The following STIM1 variants were observed in gnomAD, a reference collection of about 807,000 sequenced individuals.
The protein encoded by STIM1 is stromal interaction molecule 1.
A neutral mutation model predicts 74.7 loss-of-function variants in STIM1; 25 were observed. The observed-to-expected ratio is 0.33, with a 90% confidence interval of 0.24 to 0.47. STIM1 has a LOEUF of 0.47. Ranked by LOEUF, STIM1 falls within the 20% of genes least tolerant of loss-of-function variation. The pLI is 1.00. For synonymous variants in STIM1, 328 were observed against 348.8 expected (o/e 0.94, Z 0.66); for missense variants, 728 against 920.8 (o/e 0.79, Z 2.71).
At chr11:3,902,863 T>A (rs72847176) in intron 1 of STIM1, among the ~76,000 whole-genome samples, 1,914 of 152,188 alleles carry the variant, frequency 0.013, 20 homozygotes, top group Middle Eastern at 0.031. Flanking sequence ...GTGTTGTGGA[T>A]AGAGGCAAAG....
rs577028166 is a variant in STIM1, at chr11:3,911,609, A to T, written c.139+55200A>T. On this transcript the variant is annotated intron_variant, in intron 1 of 12. Coordinates refer to ENST00000526596, the MANE Select transcript of STIM1 (RefSeq NM_001382567.1). ...CTTCTGTTGCTCAAGCTGCTCTCAA[A>T]CTCCTGGGTTCAAGTGATCCTCCTG... is the stretch of plus-strand genomic sequence containing the variant. Among the ~76,000 whole-genome samples the T allele has an allele frequency of 7.4e-5, 11 of 149,608 alleles. No individual in the cohort carries two copies. The South Asian group carries it at 2.1e-3, about 29-fold the overall frequency.
At chr11:3,991,950 C>CAAAAAAAAAAAAA (rs1230185435) in intron 2 of STIM1, among the ~76,000 whole-genome samples, 1 of 36,690 alleles carries the variant, frequency 2.7e-5, no homozygotes. Context: ...AACTCCATCT[C>CAAAAAAAAAAAAA]AAAAAAAAAA....
rs1259959369 is a variant in STIM1 at position 4,074,779 on chromosome 11, T to C, written c.969+100T>C. 3 of 1,306,780 alleles carry C rather than the reference T, an allele frequency of 2.3e-6. No individual in the cohort carries two copies. In the East Asian group the frequency reaches 7.6e-5, roughly 33 times the overall value. The allele number at this position is 1,306,780 out of a possible 1,614,324, so 80.9% of individuals were successfully genotyped here. On this transcript the variant is annotated intron_variant, in intron 7 of 12. Coordinates refer to ENST00000526596, the MANE Select transcript of STIM1 (RefSeq NM_001382567.1). ...TTACATGTGTGAGGAATTTGAAATA[T>C]GATCCAAAGACTATGTTCTAGAGTC...
At chr11:4,000,662 T>C (rs2093706653) in intron 2 of STIM1, among the ~76,000 whole-genome samples, 1 of 151,948 alleles carries the variant, frequency 6.6e-6, no homozygotes, top group Non-Finnish European at 1.5e-5. Flanking sequence ...AACTGGAAAC[T>C]CTAAAAAGCA....
intron 1 of STIM1, among the ~76,000 whole-genome samples, chr11:3,954,334 G>GT (rs1224961519): frequency 2.6e-5 from 4 of 152,150 alleles, no homozygotes; most frequent in South Asian, 4.1e-4. Flanking sequence ...CATTCAACAA[G>GT]TTTTTCTGTG....
At chr11:3,907,989 C>T (rs570810097) in intron 1 of STIM1, among the ~76,000 whole-genome samples, 36 of 152,322 alleles carry the variant, frequency 2.4e-4, no homozygotes, top group African/African-American at 8.2e-4. Flanking sequence ...AATCCCTCCC[C>T]CACCACACAC....
intron 2 of STIM1, among the ~76,000 whole-genome samples, chr11:3,997,687 CAGAG>C (rs1446411939): frequency 6.6e-6 from 1 of 151,994 alleles, no homozygotes; most frequent in Non-Finnish European, 1.5e-5. Flanking sequence ...CTGGTACTGT[CAGAG>C]AGTTTTAAGT....
intron 1 of STIM1, among the ~76,000 whole-genome samples, chr11:3,888,809 C>T (rs1023481649): frequency 3.9e-5 from 6 of 152,078 alleles, no homozygotes; most frequent in African/African-American, 1.2e-4. Flanking sequence ...GTGTCGGCTT[C>T]CCAAAGTGCT....
At chr11:3,951,334 A>G (rs1295729217) in intron 1 of STIM1, among the ~76,000 whole-genome samples, 1 of 152,208 alleles carries the variant, frequency 6.6e-6, no homozygotes, top group Non-Finnish European at 1.5e-5. Flanking sequence ...CTCCCAAGAA[A>G]AGACAAAGAG....
chr11:3,895,683 C>T (rs11030189), intron 1 of STIM1, among the ~76,000 whole-genome samples: 1,832 of 37,000 alleles, frequency 0.05, 99 homozygotes, highest in African/African-American at 0.095. Flanking sequence ...TCCTTCCTTC[C>T]TTCTTTCTTT....
intron 4 of STIM1, among the ~76,000 whole-genome samples, chr11:4,058,159 C>T (rs1470018046): frequency 6.6e-6 from 1 of 152,226 alleles, no homozygotes; most frequent in Non-Finnish European, 1.5e-5. Context: ...CAAGAACTCC[C>T]AGGCTTGTAG....
chr11:3,907,782 C>T (rs1175358985), intron 1 of STIM1, among the ~76,000 whole-genome samples: 1 of 152,200 alleles, frequency 6.6e-6, no homozygotes, highest in African/African-American at 2.4e-5. Context: ...TTCCTCTCCA[C>T]CTGCTCACCC....
chr11:3,861,237 T>G (rs1173270269), intron 1 of STIM1, among the ~76,000 whole-genome samples: 1 of 118,616 alleles, frequency 8.4e-6, no homozygotes, highest in African/African-American at 3.3e-5. Flanking sequence ...GTGGTTCTAT[T>G]TTTTTTTTTT....
chr11:4,013,429 A>G (rs938809621), intron 2 of STIM1, among the ~76,000 whole-genome samples: 2 of 151,976 alleles, frequency 1.3e-5, no homozygotes, highest in Admixed American at 6.6e-5. Context: ...CAAAGATTCA[A>G]CTTCTTCCTG....
intron 2 of STIM1, among the ~76,000 whole-genome samples, chr11:4,008,548 A>G (rs760002776): frequency 2.4e-4 from 37 of 152,236 alleles, no homozygotes; most frequent in Non-Finnish European, 5.4e-4. Context: ...ATTAATAAAA[A>G]CAAGTAAGAT....
chr11:3,974,965 C>T (rs1037668077), intron 2 of STIM1, among the ~76,000 whole-genome samples: 21 of 152,122 alleles, frequency 1.4e-4, no homozygotes, highest in Non-Finnish European at 2.8e-4. Flanking sequence ...CTGGAGCCTA[C>T]ATGGCAAATC....
intron 1 of STIM1, among the ~76,000 whole-genome samples, chr11:3,951,872 C>T (rs922576103): frequency 2.0e-4 from 31 of 152,106 alleles, no homozygotes; most frequent in African/African-American, 7.5e-4. Flanking sequence ...AGGCGCCAGT[C>T]AGATAATTTG....
intron 3 of STIM1, among the ~76,000 whole-genome samples, chr11:4,031,976 G>A (rs948181067): frequency 1.3e-5 from 2 of 152,076 alleles, no homozygotes; most frequent in African/African-American, 2.4e-5. Context: ...ATTTCTTTCT[G>A]TTTCTTTCTA....
chr11:3,895,689 T>C lies in STIM1; in HGVS notation c.139+39280T>C, dbSNP rs1445478913. Among the ~76,000 whole-genome samples the C allele has an allele frequency of 9.4e-4, 27 of 28,580 alleles. 2 individuals are homozygous for C. The highest frequency in any genetic ancestry group is 1.3e-3 in the Non-Finnish European group (22 of 16,810). The allele number at this position is 28,580 out of a possible 152,430, so 18.7% of individuals were successfully genotyped here. On this transcript the variant is annotated intron_variant, in intron 1 of 12. Coordinates refer to ENST00000526596, the MANE Select transcript of STIM1 (RefSeq NM_001382567.1). Reference sequence around the variant, plus strand: ...TTCTTTCTTTCCTTCCTTCCTTCTTTCTTTCTTTCTTTCTTTCTTTCTTTC... The same window carrying C: ...TTCTTTCTTTCCTTCCTTCCTTCTTCCTTTCTTTCTTTCTTTCTTTCTTTC...
Sources: allele counts gnomAD v4.1 joint callset (sites outside exome capture counted in the v4.1 genomes callset), GRCh38; gene constraint gnomAD v4.1.1; transcripts MANE v1.5; gene names NCBI Gene and HGNC (gene_info 2026-07-23, HGNC 2026-07-21).